EXOC4: variants seen among roughly 807,000 people sequenced by gnomAD.
EXOC4 encodes the protein exocyst complex component 4.
Under a neutral mutation model 107.2 loss-of-function variants are expected in EXOC4, and 71 were observed. That is an observed-to-expected ratio of 0.66 (90% CI 0.55 to 0.81). The LOEUF is 0.81. EXOC4 is among the 30% of genes least tolerant of loss of function. The pLI is 0.00. For missense variants in EXOC4, 1,108 were observed against 1,189.6 expected, an observed-to-expected ratio of 0.93 and a Z score of 1.01; for synonymous variants, 456 against 441.2, an observed-to-expected ratio of 1.03 and a Z score of -0.42.
At chr7:133,363,770 C>G (rs1257251791) in intron 6 of EXOC4, among the ~76,000 whole-genome samples, 4 of 152,184 alleles carry the variant, frequency 2.6e-5, no homozygotes, top group African/African-American at 9.6e-5. Context: ...ATCAAGGCCA[C>G]TTCTCTGTTT....
chr7:133,282,455 A>G (rs1306230582), intron 2 of EXOC4, among the ~76,000 whole-genome samples: 1 of 152,182 alleles, frequency 6.6e-6, no homozygotes. Flanking sequence ...GAGTAACATA[A>G]TTTTTCAATC....
chr7:133,805,209 G>T (rs1797046159), intron 10 of EXOC4, among the ~76,000 whole-genome samples: 1 of 152,168 alleles, frequency 6.6e-6, no homozygotes, highest in Admixed American at 6.5e-5. Flanking sequence ...AAAACTTTGT[G>T]AGTGACTTAG....
intron 10 of EXOC4, among the ~76,000 whole-genome samples, chr7:133,781,848 A>G (rs1041097166): frequency 1.4e-4 from 22 of 152,210 alleles, no homozygotes; most frequent in African/African-American, 4.6e-4. Context: ...ACTTATCTTT[A>G]GTTTCACCAG....
At chr7:133,749,049 G>A (rs1795735434) in intron 10 of EXOC4, among the ~76,000 whole-genome samples, 1 of 152,208 alleles carries the variant, frequency 6.6e-6, no homozygotes, top group South Asian at 2.1e-4. Context: ...TGTAAAAATA[G>A]GCTCAGGAGC....
At chr7:133,610,486 A>C (rs564685078) in intron 9 of EXOC4, among the ~76,000 whole-genome samples, 1 of 152,174 alleles carries the variant, frequency 6.6e-6, no homozygotes, top group African/African-American at 2.4e-5. Context: ...GTTTATTTTA[A>C]TACTGTCTTC....
intron 10 of EXOC4, among the ~76,000 whole-genome samples, chr7:133,769,891 A>G (rs2151161296): frequency 6.6e-6 from 1 of 151,964 alleles, no homozygotes; most frequent in South Asian, 2.1e-4. Flanking sequence ...CTGAATCAGA[A>G]TCATTTTCTG....
intron 11 of EXOC4, among the ~76,000 whole-genome samples, chr7:133,865,955 A>G (rs1798630965): frequency 6.6e-6 from 1 of 152,172 alleles, no homozygotes; most frequent in South Asian, 2.1e-4. Flanking sequence ...TTTGCTATGC[A>G]TATTTTCTTA....
chr7:133,351,945 T>C (rs1795920881), intron 5 of EXOC4, among the ~76,000 whole-genome samples: 1 of 152,022 alleles, frequency 6.6e-6, no homozygotes, highest in Admixed American at 6.6e-5. Context: ...GATACATTGG[T>C]TTTTAAAGAG....
At chr7:133,978,154 T>C (rs1045882609) in intron 14 of EXOC4, among the ~76,000 whole-genome samples, 11 of 152,232 alleles carry the variant, frequency 7.2e-5, no homozygotes, top group Non-Finnish European at 1.5e-4. Flanking sequence ...GCATCCTTTG[T>C]ACATCCCTCC....
intron 1 of EXOC4, among the ~76,000 whole-genome samples, chr7:133,257,684 G>A (rs1380927541): frequency 6.6e-6 from 1 of 152,194 alleles, no homozygotes; most frequent in Non-Finnish European, 1.5e-5. Context: ...TGAAACCTTG[G>A]AGCAGAGCTT....
intron 17 of EXOC4, among the ~76,000 whole-genome samples, chr7:134,048,074 C>T (rs1456682299): frequency 6.6e-6 from 1 of 152,184 alleles, no homozygotes; most frequent in East Asian, 1.9e-4. Context: ...AAGCTGTTCT[C>T]TTGCACTGAG....
At chr7:133,954,114 A>G (rs982378311) in intron 14 of EXOC4, among the ~76,000 whole-genome samples, 7 of 152,234 alleles carry the variant, frequency 4.6e-5, no homozygotes, top group African/African-American at 1.4e-4. Context: ...CCTTCCCCAA[A>G]TGGATAAGTG....
At chr7:134,044,096 A>G (rs1795589421) in intron 17 of EXOC4, among the ~76,000 whole-genome samples, 1 of 152,184 alleles carries the variant, frequency 6.6e-6, no homozygotes, top group Non-Finnish European at 1.5e-5. Context: ...CCACCTTGCC[A>G]CTGGGTGAAG....
intron 2 of EXOC4, among the ~76,000 whole-genome samples, chr7:133,287,195 T>C (rs1348879670): frequency 1.3e-5 from 2 of 152,212 alleles, no homozygotes; most frequent in Non-Finnish European, 1.5e-5. Flanking sequence ...AAAATTTCTT[T>C]GGTATTACCT....
rs35947572 is a variant in EXOC4 at position 133,614,789 on chromosome 7, CAAAAAAA to C, written c.1418-15235_1418-15229del. 2.1e-4 allele frequency among the ~76,000 whole-genome samples: 13 copies of C among 61,680 alleles called. 1 individual carries two copies. Among genetic ancestry groups the C allele is most frequent in the African/African-American group, 8.4e-4 (13 of 15,414 alleles). The allele number at this position is 61,680 out of a possible 152,430, so 40.5% of individuals were successfully genotyped here. On this transcript the variant is annotated intron_variant, in intron 9 of 17. Coordinates refer to ENST00000253861, the MANE Select transcript of EXOC4 (RefSeq NM_021807.4). ...AGTCATGAAAGAATTGTACATATGGCAAAAAAAAAAAAAAAAAAAAAAAAAAAGATGG... is the reference window on the plus strand; with the variant it reads ...AGTCATGAAAGAATTGTACATATGGCAAAAAAAAAAAAAAAAAAAAGATGG...
At chr7:133,922,790 A>G (rs1253646370) in intron 13 of EXOC4, among the ~76,000 whole-genome samples, 1 of 151,952 alleles carries the variant, frequency 6.6e-6, no homozygotes, top group Non-Finnish European at 1.5e-5. Context: ...CGAGGCTTGC[A>G]GTGAGCCAAG....
chr7:134,096,212 C>T, the EXOC4 span, among the ~76,000 whole-genome samples: 16 of 152,226 alleles, frequency 1.1e-4, no homozygotes, highest in Non-Finnish European at 1.8e-4. Flanking sequence ...CAGAGAGGTG[C>T]AAATCAAAAG....
In EXOC4 at chr7:133,687,245, G is replaced by C. The variant is rs114484254; in HGVS notation, c.1514+57104G>C. Among the ~76,000 whole-genome samples the C allele has an allele frequency of 4.9e-3, 740 of 151,974 alleles. 3 individuals are homozygous for C. The highest frequency in any genetic ancestry group is 0.017 in the Middle Eastern group (5 of 294). On this transcript the variant is annotated intron_variant, in intron 10 of 17. Coordinates refer to ENST00000253861, the MANE Select transcript of EXOC4 (RefSeq NM_021807.4). ...ATAAGAATGATACAGTGGACTTTAGGCACTCGGGAAAGGGTGGGAGGGGAG... is the reference window on the plus strand; with the variant it reads ...ATAAGAATGATACAGTGGACTTTAGCCACTCGGGAAAGGGTGGGAGGGGAG...
intron 3 of EXOC4, among the ~76,000 whole-genome samples, chr7:133,290,424 A>G (rs1234005523): frequency 6.6e-6 from 1 of 152,248 alleles, no homozygotes; most frequent in Non-Finnish European, 1.5e-5. Context: ...TCTGATAGAA[A>G]AAAATTACTT....
Sources: gnomAD v4.1 joint callset for allele counts (sites outside exome capture counted in the v4.1 genomes callset) on GRCh38, gnomAD v4.1.1 for gene constraint, MANE v1.5 for transcripts, NCBI Gene and HGNC (gene_info 2026-07-23, HGNC 2026-07-21) for gene names.